The following GRID2 variants were observed in gnomAD, a reference collection of about 807,000 sequenced individuals.
GRID2 encodes the protein glutamate receptor ionotropic, delta-2.
Under a neutral mutation model 114.8 loss-of-function variants are expected in GRID2, and 33 were observed. The ratio of observed to expected loss-of-function variants is 0.29; its 90% CI spans 0.22 to 0.38. The LOEUF is 0.38. Ranked by LOEUF, GRID2 falls within the 10% of genes least tolerant of loss-of-function variation. GRID2 has a pLI of 1.00. For missense variants in GRID2, 1,184 were observed against 1,257.7 expected (o/e 0.94, Z 0.89); for synonymous variants, 505 against 449.9 (o/e 1.12, Z -1.55).
intron 14 of GRID2, among the ~76,000 whole-genome samples, chr4:93,663,553 A>G (rs1723687546): frequency 6.6e-6 from 1 of 152,156 alleles, no homozygotes; most frequent in South Asian, 2.1e-4. Context: ...TAAATAGAAT[A>G]TGACCCCAGA....
rs1291319673 is a variant in GRID2, at chr4:93,608,323, T to A, written c.2194-17946T>A. Among the ~76,000 whole-genome samples the A allele has an allele frequency of 3.6e-3, 523 of 143,682 alleles. 2 individuals are homozygous for A. The highest frequency in any genetic ancestry group is 5.3e-3 in the Non-Finnish European group (352 of 65,798). The allele number at this position is 143,682 out of a possible 152,430, so 94.3% of individuals were successfully genotyped here. ...TTTTTTTTTTTTAATTTTTTTTTTT[T>A]ATTATACTTTAAGTTTTAGGGTACA... On this transcript the variant is annotated intron_variant, in intron 13 of 15. Coordinates refer to ENST00000282020, the MANE Select transcript of GRID2 (RefSeq NM_001510.4).
At chr4:92,315,993 CA>C (rs778361565) in intron 1 of GRID2, among the ~76,000 whole-genome samples, 158 of 61,922 alleles carry the variant, frequency 2.6e-3, no homozygotes, top group South Asian at 9.9e-3. Flanking sequence ...AAACAAAAAG[CA>C]AAAAAAAAAA....
intron 2 of GRID2, among the ~76,000 whole-genome samples, chr4:92,840,534 T>C (rs1409739782): frequency 6.6e-6 from 1 of 152,064 alleles, no homozygotes; most frequent in East Asian, 1.9e-4. Flanking sequence ...AACTGTCTTT[T>C]TGAAACTCAG....
chr4:92,405,709 A>G (rs1235113367), intron 1 of GRID2, among the ~76,000 whole-genome samples: 4 of 136,022 alleles, frequency 2.9e-5, no homozygotes, highest in African/African-American at 1.2e-4. Flanking sequence ...AGTTACATTC[A>G]GTAATACAAA....
intron 2 of GRID2, among the ~76,000 whole-genome samples, chr4:92,861,274 A>C (rs1028423901): frequency 1.3e-5 from 2 of 152,112 alleles, no homozygotes; most frequent in Non-Finnish European, 2.9e-5. Context: ...AAAGGATGGT[A>C]ATATTATGTC....
rs370282610 is a variant in GRID2, at chr4:92,947,529, A to C, written c.245-137466A>C. Among the ~76,000 whole-genome samples the C allele has an allele frequency of 9.2e-5, 14 of 151,998 alleles. 1 individual carries two copies. Among genetic ancestry groups the C allele is most frequent in the African/African-American group, 3.4e-4 (14 of 41,518 alleles). On this transcript the variant is annotated intron_variant, in intron 2 of 15. Transcript: ENST00000282020. ...TTTATTAGTAAAGAATAAACTTGCA[A>C]AGTTTCAGATTTATATTTTTTTTTC... is the stretch of plus-strand genomic sequence containing the variant.
At chr4:92,981,912 T>C (rs1159338072) in intron 2 of GRID2, among the ~76,000 whole-genome samples, 1 of 150,776 alleles carries the variant, frequency 6.6e-6, no homozygotes, top group African/African-American at 2.4e-5. Context: ...AATTGTGCAA[T>C]GTGGAAGTGA....
At chr4:92,610,863 C>T (rs1046957137) in intron 2 of GRID2, among the ~76,000 whole-genome samples, 6 of 151,526 alleles carry the variant, frequency 4.0e-5, no homozygotes, top group Non-Finnish European at 7.4e-5. Flanking sequence ...TGATGTTTAT[C>T]TATGTTGTAG....
intron 2 of GRID2, among the ~76,000 whole-genome samples, chr4:92,609,812 A>G (rs62307880): frequency 0.047 from 7,127 of 151,674 alleles, 207 homozygotes; most frequent in East Asian, 0.094. Context: ...TTTTTAAATC[A>G]AAATTACACA....
chr4:93,218,460 T>A (rs970676825), intron 6 of GRID2, among the ~76,000 whole-genome samples: 1 of 152,120 alleles, frequency 6.6e-6, no homozygotes, highest in African/African-American at 2.4e-5. Context: ...GCCAAGATTG[T>A]GCTACTGCAC....
chr4:92,955,875 TC>T (rs1185552579), intron 2 of GRID2, among the ~76,000 whole-genome samples: 1 of 152,138 alleles, frequency 6.6e-6, no homozygotes, highest in Non-Finnish European at 1.5e-5. Flanking sequence ...AAATAGGGAA[TC>T]CTTTCCCCAT....
At chr4:92,759,248 T>C (rs1362500995) in intron 2 of GRID2, among the ~76,000 whole-genome samples, 1 of 152,232 alleles carries the variant, frequency 6.6e-6, no homozygotes, top group Non-Finnish European at 1.5e-5. Flanking sequence ...CAATAAAGTC[T>C]GGGTTTTTAA....
intron 1 of GRID2, among the ~76,000 whole-genome samples, chr4:92,359,481 G>A (rs1256952038): frequency 6.6e-6 from 1 of 151,910 alleles, no homozygotes; most frequent in Admixed American, 6.6e-5. Flanking sequence ...TGAGTTTAAG[G>A]ATGTAATTCA....
At chr4:93,192,166 A>G (rs1015499275) in intron 4 of GRID2, among the ~76,000 whole-genome samples, 1 of 152,188 alleles carries the variant, frequency 6.6e-6, no homozygotes, top group Admixed American at 6.5e-5. Flanking sequence ...CCATAACCTT[A>G]CTAACACTTT....
At chr4:92,879,225 G>A (rs916837501) in intron 2 of GRID2, among the ~76,000 whole-genome samples, 9 of 152,228 alleles carry the variant, frequency 5.9e-5, no homozygotes, top group Middle Eastern at 3.4e-3. Flanking sequence ...AAAGTAGGAG[G>A]TATGAGGGTA....
At position 92,547,554 on chromosome 4, in the gene GRID2, A is replaced by G. The variant is rs114978108; in HGVS notation, c.89-42577A>G. On this transcript the variant is annotated intron_variant, in intron 1 of 15. Transcript: ENST00000282020. The stretch of plus-strand genomic sequence containing the variant: ...TTTGTGACATTTTCAGTTTATATAC[A>G]TACAAAATGACAAATCAAAAAATAC... Among the ~76,000 whole-genome samples the G allele has an allele frequency of 3.0e-3, 457 of 152,308 alleles. 2 individuals carry two copies. Among genetic ancestry groups the G allele is most frequent in the Admixed American group, 5.2e-3 (79 of 15,302 alleles).
intron 2 of GRID2, among the ~76,000 whole-genome samples, chr4:92,721,156 G>A (rs1735791535): frequency 6.6e-6 from 1 of 152,046 alleles, no homozygotes; most frequent in African/African-American, 2.4e-5. Context: ...TTCAGGGTGG[G>A]ACAAATGGGA....
chr4:93,702,276 C>G (rs1269558713), intron 14 of GRID2, among the ~76,000 whole-genome samples: 1 of 152,070 alleles, frequency 6.6e-6, no homozygotes, highest in African/African-American at 2.4e-5. Context: ...TTCTGTAAAA[C>G]AAATAATTGT....
At chr4:92,463,146 A>G (rs1478396094) in intron 1 of GRID2, among the ~76,000 whole-genome samples, 3 of 151,898 alleles carry the variant, frequency 2.0e-5, no homozygotes, top group Non-Finnish European at 4.4e-5. Flanking sequence ...TAAAATATGT[A>G]ACTAGTTAGT....
Sources: gnomAD v4.1 joint callset for allele counts (sites outside exome capture counted in the v4.1 genomes callset) on GRCh38, gnomAD v4.1.1 for gene constraint, MANE v1.5 for transcripts, NCBI Gene and HGNC (gene_info 2026-07-23, HGNC 2026-07-21) for gene names.